The following IARS1 variants were observed in gnomAD, a reference collection of about 807,000 sequenced individuals.
The protein encoded by IARS1 is isoleucyl-tRNA synthetase 1, also known as isoleucine--tRNA ligase, cytoplasmic.
Under a neutral mutation model 168.2 loss-of-function variants are expected in IARS1, and 124 were observed. The ratio of observed to expected loss-of-function variants is 0.74; its 90% CI spans 0.64 to 0.86. IARS1 has a LOEUF of 0.86. IARS1 is among the 40% of genes least tolerant of loss of function. IARS1 has a pLI of 0.00. For synonymous variants in IARS1, 532 were observed against 529.4 expected (o/e 1.00, Z -0.07); for missense variants, 1,452 against 1,515.8 (o/e 0.96, Z 0.70).
At position 92,291,743 on chromosome 9, in the gene IARS1, G is replaced by C. The variant is rs138450594; in HGVS notation, c.-8+1868C>G. Among the ~76,000 whole-genome samples, 144 of 152,286 alleles carry C rather than the reference G, an allele frequency of 9.5e-4. 1 individual carries two copies. Among genetic ancestry groups the C allele is most frequent in the African/African-American group, 3.3e-3 (137 of 41,566 alleles). ...TGGGATTGTTATCTGAAGACTAACA[G>C]ACCTTTAGATACCAACACATTCTAA... is the stretch of plus-strand genomic sequence containing the variant. On this transcript the variant is annotated intron_variant, in intron 1 of 33. Coordinates refer to ENST00000443024, the MANE Select transcript of IARS1 (RefSeq NM_002161.6).
chr9:92,255,455 C>G (rs1326174434), intron 20 of IARS1, among the ~76,000 whole-genome samples: 2 of 152,196 alleles, frequency 1.3e-5, no homozygotes, highest in African/African-American at 2.4e-5. Flanking sequence ...CCTGGACCTA[C>G]AGTTGTGATT....
chr9:92,262,390 T>C (rs1028306284), intron 17 of IARS1, among the ~76,000 whole-genome samples: 2 of 152,212 alleles, frequency 1.3e-5, no homozygotes, highest in African/African-American at 4.8e-5. Context: ...TTTTAAAATA[T>C]TTCATTTTAA....
intron 33 of IARS1, among the ~76,000 whole-genome samples, chr9:92,220,926 T>TG (rs1340111520): frequency 1.3e-5 from 2 of 152,162 alleles, no homozygotes; most frequent in African/African-American, 4.8e-5. Flanking sequence ...ATTGAGCCAC[T>TG]GCACTGCAGC....
rs199947184 is a variant in IARS1, at chr9:92,242,252, C to T, written c.3079G>A (p.Glu1027Lys). 67 of 1,613,664 alleles carry T rather than the reference C, an allele frequency of 4.2e-5. No homozygotes were observed. The highest frequency in any genetic ancestry group is 5.5e-5 in the Non-Finnish European group (65 of 1,179,686). ...SEGTYLNSVI[E>K]SHTEFIFTTI... ...GTAAATATGAACTCTGTGTGGCTTTCAATAACACTATTCAGATATGTTCCT... is the reference window on the plus strand; with the variant it reads ...GTAAATATGAACTCTGTGTGGCTTTTAATAACACTATTCAGATATGTTCCT... Residue 1027 changes from glutamate (E) to lysine (K), a missense_variant, in exon 29 of 34, where the codon GAA becomes AAA. Coordinates refer to ENST00000443024, the MANE Select transcript of IARS1 (RefSeq NM_002161.6).
rs182095827 is a variant in IARS1 at position 92,247,666 on chromosome 9, G to A, written c.2617-115C>T. The A allele has an allele frequency of 3.2e-4, 270 of 840,122 alleles. No individual in the cohort carries two copies. In the African/African-American group the frequency reaches 4.2e-3, roughly 13 times the overall value. The allele number at this position is 840,122 out of a possible 1,614,324, so 52.0% of individuals were successfully genotyped here. The stretch of plus-strand genomic sequence containing the variant: ...CTGCCAGAAAGCAAGAACACTTCAA[G>A]TGTCCATCAACTGTGAATGGATAAA... On this transcript the variant is annotated intron_variant, in intron 25 of 33. Coordinates refer to ENST00000443024, the MANE Select transcript of IARS1 (RefSeq NM_002161.6).
At chr9:92,252,318 A>T in intron 21 of IARS1, 1 of 478,108 alleles carries the variant, frequency 2.1e-6, no homozygotes, top group Admixed American at 2.3e-5. Flanking sequence ...AAATTTTTTC[A>T]TTATCTTTGT....
At chr9:92,258,693 G>A (rs759903972) in intron 19 of IARS1, among the ~76,000 whole-genome samples, 161 bp downstream of exon 19, 25 of 152,156 alleles carry the variant, frequency 1.6e-4, no homozygotes, top group Non-Finnish European at 3.1e-4. Flanking sequence ...GATACCTTCC[G>A]CACCTGCATG....
chr9:92,253,493 C>G (rs775389841), intron 20 of IARS1, 40 bp from the exon 21 acceptor site: 1 of 1,354,406 alleles, frequency 7.4e-7, no homozygotes, highest in Non-Finnish European at 1.1e-6. Flanking sequence ...AAGTGGGTTA[C>G]CAGGCATCTG....
At chr9:92,243,337 T>C (rs879325648) in intron 27 of IARS1, 26 bp from the exon 28 acceptor site, 1 of 1,484,882 alleles carries the variant, frequency 6.7e-7, no homozygotes, top group Non-Finnish European at 9.4e-7. Flanking sequence ...GTGCACACCA[T>C]GACAATCAAA....
At chr9:92,252,173 C>T (rs1830093400) in intron 21 of IARS1, among the ~76,000 whole-genome samples, 1 of 152,012 alleles carries the variant, frequency 6.6e-6, no homozygotes, top group African/African-American at 2.4e-5. Context: ...ACTGTAGGAC[C>T]CGAAGGCTGA....
chr9:92,244,634 C>T (rs938852071), intron 27 of IARS1, among the ~76,000 whole-genome samples: 1 of 152,164 alleles, frequency 6.6e-6, no homozygotes, highest in African/African-American at 2.4e-5. Context: ...GATAACTTAT[C>T]AGGTAGAATA....
At chr9:92,222,484 C>T in intron 33 of IARS1, 36 bp downstream of exon 33, 1 of 1,594,898 alleles carries the variant, frequency 6.3e-7, no homozygotes, top group Non-Finnish European at 8.6e-7. Flanking sequence ...CTACTTTCAA[C>T]AAAAATAAAA....
chr9:92,264,946 G>A lies in IARS1; in HGVS notation c.1683C>T (p.Ile561=), dbSNP rs1166836702. ...AFPADFIAEG[I]DQTRGWFYTL... ...AGGCATACCATCCTCTGGTTTGGTC[G>A]ATGCCCTCGGCAATGAAATCTGCAG... Residue 561 remains isoleucine, a synonymous_variant, in exon 16 of 34, where the codon ATC becomes ATT. Transcript: ENST00000443024. 5.6e-6 allele frequency: 9 copies of A among 1,613,504 alleles called. No homozygotes were observed. In the South Asian group the frequency reaches 6.6e-5, roughly 12 times the overall value.
At chr9:92,248,343 C>T (rs1442304046) in intron 25 of IARS1, among the ~76,000 whole-genome samples, 2 of 152,190 alleles carry the variant, frequency 1.3e-5, no homozygotes, top group East Asian at 3.9e-4. Context: ...TATTTAGCTA[C>T]ATTAATTAAT....
intron 27 of IARS1, among the ~76,000 whole-genome samples, chr9:92,244,381 G>GTA (rs1250345282): frequency 1.3e-5 from 2 of 152,066 alleles, no homozygotes; most frequent in East Asian, 3.9e-4. Flanking sequence ...CCTGCACATG[G>GTA]TATGCTAAGC....
At chr9:92,241,979 T>C (rs1289916104) in intron 29 of IARS1, among the ~76,000 whole-genome samples, 175 bp downstream of exon 29, 2 of 152,170 alleles carry the variant, frequency 1.3e-5, no homozygotes, top group African/African-American at 2.4e-5. Context: ...CCCTCCCTGC[T>C]CCATCTTTTC....
chr9:92,250,868 A>G, intron 22 of IARS1, 34 bp from the exon 23 acceptor site: 1 of 1,571,308 alleles, frequency 6.4e-7, no homozygotes, highest in Non-Finnish European at 8.6e-7. Flanking sequence ...TGTCAGTTAT[A>G]TGCAGTCATC....
At chr9:92,238,855 T>C (rs542071485) in intron 30 of IARS1, among the ~76,000 whole-genome samples, 2 of 152,334 alleles carry the variant, frequency 1.3e-5, no homozygotes, top group South Asian at 2.1e-4. Flanking sequence ...TTAACTATTA[T>C]TTCTTGTTCA....
At chr9:92,214,124 AT>A (rs952210074) in intron 33 of IARS1, among the ~76,000 whole-genome samples, 1 of 151,954 alleles carries the variant, frequency 6.6e-6, no homozygotes, top group Non-Finnish European at 1.5e-5. Flanking sequence ...ATGGTCCAAA[AT>A]GATTGAGTTT....
Sources: gnomAD v4.1 joint callset for allele counts (sites outside exome capture counted in the v4.1 genomes callset) on GRCh38, gnomAD v4.1.1 for gene constraint, MANE v1.5 for transcripts, NCBI Gene and HGNC (gene_info 2026-07-23, HGNC 2026-07-21) for gene names.